The following PLCE1 variants were observed in gnomAD, a reference collection of about 807,000 sequenced individuals.
PLCE1 encodes phospholipase C epsilon 1.
A neutral mutation model predicts 242.8 loss-of-function variants in PLCE1; 119 were observed. That is an observed-to-expected ratio of 0.49 (90% CI 0.42 to 0.57). The LOEUF (loss-of-function observed/expected upper bound fraction) is 0.57, where lower values mean the gene tolerates loss of function less well. Among genes scored for constraint, PLCE1 ranks in the 20% least tolerant of loss-of-function variants. PLCE1 has a pLI of 0.00. For missense variants in PLCE1, 2,441 were observed against 2,788.8 expected, an observed-to-expected ratio of 0.88 and a Z score of 2.81; for synonymous variants, 945 against 1,017.4, an observed-to-expected ratio of 0.93 and a Z score of 1.35.
At position 94,223,233 on chromosome 10, in the gene PLCE1, C is replaced by CA. The variant is rs60764243; in HGVS notation, c.1810-4054dup. Among the ~76,000 whole-genome samples the CA allele has an allele frequency of 4.9e-3, 447 of 90,868 alleles. 7 individuals carry two copies. Among genetic ancestry groups the CA allele is most frequent in the African/African-American group, 0.011 (232 of 20,980 alleles). The allele number at this position is 90,868 out of a possible 152,430, so 59.6% of individuals were successfully genotyped here. A position where few individuals can be genotyped will look rare whatever the true frequency, so the allele number is the denominator to read the frequency against. ...GCAACATAGTGATACTCCATCTCTA[C>CA]AAAAAAAAAAAAAAAAAAATTGAAT... is the stretch of plus-strand genomic sequence containing the variant. On this transcript the variant is annotated intron_variant, in intron 4 of 32. Transcript: ENST00000371380.
intron 2 of PLCE1, among the ~76,000 whole-genome samples, chr10:94,131,579 G>A (rs968974546): frequency 6.6e-6 from 1 of 152,238 alleles, no homozygotes; most frequent in Non-Finnish European, 1.5e-5. Flanking sequence ...CAAGAAGAGT[G>A]AGCAGGATCT....
At chr10:94,205,460 A>C (rs1158173812) in intron 4 of PLCE1, among the ~76,000 whole-genome samples, 3 of 152,248 alleles carry the variant, frequency 2.0e-5, no homozygotes, top group African/African-American at 7.2e-5. Context: ...TGAATAAAAG[A>C]AAGTTATGCA....
chr10:94,261,771 G>A (rs2051305862), intron 13 of PLCE1, among the ~76,000 whole-genome samples: 2 of 152,046 alleles, frequency 1.3e-5, no homozygotes, highest in Admixed American at 1.3e-4. Flanking sequence ...ACCCAAATGA[G>A]TTGAAAAATT....
chr10:94,299,463 A>G (rs2052960280), intron 24 of PLCE1, among the ~76,000 whole-genome samples: 1 of 152,244 alleles, frequency 6.6e-6, no homozygotes, highest in Non-Finnish European at 1.5e-5. Flanking sequence ...CTGGAAGTTT[A>G]AAGGATAAAG....
chr10:94,019,508 T>C (rs552316301), intron 1 of PLCE1, among the ~76,000 whole-genome samples: 1 of 152,284 alleles, frequency 6.6e-6, no homozygotes, highest in African/African-American at 2.4e-5. Context: ...TCCAATTCTA[T>C]CTCCATAGCT....
At chr10:94,318,682 G>A (rs1355860543) in intron 29 of PLCE1, among the ~76,000 whole-genome samples, 1 of 152,194 alleles carries the variant, frequency 6.6e-6, no homozygotes, top group Non-Finnish European at 1.5e-5. Flanking sequence ...AGGGAAGACA[G>A]GCTGGCTGCT....
chr10:93,996,819 C>CA (rs2060833671), intron 1 of PLCE1, among the ~76,000 whole-genome samples: 1 of 152,130 alleles, frequency 6.6e-6, no homozygotes, highest in African/African-American at 2.4e-5. Flanking sequence ...TGAAATTAAC[C>CA]ACCCATATTT....
At chr10:94,119,069 C>T (rs7911740) in intron 2 of PLCE1, among the ~76,000 whole-genome samples, 11,620 of 152,212 alleles carry the variant, frequency 0.076, 1,446 homozygotes, top group African/African-American at 0.25. Flanking sequence ...CCTCGCCCAC[C>T]CTGTGGGATG....
At chr10:94,062,110 C>T (rs968502468) in intron 2 of PLCE1, among the ~76,000 whole-genome samples, 2 of 152,192 alleles carry the variant, frequency 1.3e-5, no homozygotes, top group African/African-American at 4.8e-5. Flanking sequence ...ATAGTAAGCA[C>T]TAGATATGAG....
At chr10:94,227,503 T>C in intron 5 of PLCE1, 52 bp downstream of exon 5, 7 of 1,484,294 alleles carry the variant, frequency 4.7e-6, no homozygotes, top group Non-Finnish European at 6.6e-6. Context: ...TCTCATCACC[T>C]GAATGGCACT....
chr10:94,168,987 A>G (rs1051323915), intron 3 of PLCE1, among the ~76,000 whole-genome samples: 1 of 152,228 alleles, frequency 6.6e-6, no homozygotes, highest in South Asian at 2.1e-4. Context: ...AGATTTAAGC[A>G]TCAACCTGAT....
intron 1 of PLCE1, among the ~76,000 whole-genome samples, chr10:93,998,421 A>G (rs756157611): frequency 3.2e-4 from 49 of 151,876 alleles, no homozygotes; most frequent in Middle Eastern, 3.4e-3. Context: ...TCCCCACCTG[A>G]CTCCCTGAAT....
At chr10:94,151,562 A>AT (rs1426243794) in intron 3 of PLCE1, among the ~76,000 whole-genome samples, 2 of 152,286 alleles carry the variant, frequency 1.3e-5, no homozygotes, top group Middle Eastern at 3.4e-3. Flanking sequence ...AAGCATTAGG[A>AT]TTTTATCGGG....
intron 1 of PLCE1, among the ~76,000 whole-genome samples, chr10:94,017,455 A>G (rs2061302499): frequency 6.6e-6 from 1 of 152,172 alleles, no homozygotes; most frequent in Admixed American, 6.5e-5. Flanking sequence ...TTGCATTTTT[A>G]ATTCTATCCA....
At position 94,117,974 on chromosome 10, in the gene PLCE1, C is replaced by G. The variant is rs907604530; in HGVS notation, c.1207-14200C>G. On this transcript the variant is annotated intron_variant, in intron 2 of 32. Transcript: ENST00000371380. The stretch of plus-strand genomic sequence containing the variant: ...AAACACTGTCGCCTGATTGTTTCAA[C>G]AAAAGACCTCTTTGTTTTGATAGCC... Among the ~76,000 whole-genome samples the G allele has an allele frequency of 2.6e-5, 4 of 152,144 alleles. No homozygotes were observed. The East Asian group carries it at 7.7e-4, about 29-fold the overall frequency.
At chr10:94,190,199 G>A (rs1388640424) in intron 4 of PLCE1, among the ~76,000 whole-genome samples, 1 of 152,200 alleles carries the variant, frequency 6.6e-6, no homozygotes, top group Non-Finnish European at 1.5e-5. Context: ...AGGATGGCTT[G>A]TGCCCAGGAG....
intron 2 of PLCE1, 67 bp from the exon 3 acceptor site, chr10:94,132,106 TG>T: frequency 6.7e-7 from 1 of 1,496,310 alleles, no homozygotes; most frequent in Middle Eastern, 1.8e-4. Context: ...CTTGGCATTT[TG>T]TCAACAAGTT....
At position 94,171,265 on chromosome 10, in the gene PLCE1, G is replaced by C. The variant is rs764601690; in HGVS notation, c.1578G>C (p.Gln526His). 1 of 1,614,190 alleles carries C rather than the reference G, an allele frequency of 6.2e-7. No individual in the cohort carries two copies. The highest frequency in any genetic ancestry group is 8.5e-7 in the Non-Finnish European group (1 of 1,180,012). ...AGISKELIDL[Q>H]PLIQFPEEVA... ...TCAGCAAGGAGCTGATCGATCTGCA[G>C]CCTCTCATCCAGTTCCCAGAGGAAG... The change falls in exon 4 of 33, where the codon CAG becomes CAC. Residue 526 changes from glutamine (Q) to histidine (H), a missense_variant. Gln to His is a conservative substitution (Grantham distance 24). Coordinates refer to ENST00000371380, the MANE Select transcript of PLCE1 (RefSeq NM_016341.4).
intron 2 of PLCE1, among the ~76,000 whole-genome samples, chr10:94,057,403 G>A: frequency 6.6e-6 from 1 of 151,982 alleles, no homozygotes. Flanking sequence ...CACTCCACTG[G>A]TTACATAAGC....
Sources: allele counts gnomAD v4.1 joint callset (sites outside exome capture counted in the v4.1 genomes callset), GRCh38; gene constraint gnomAD v4.1.1; transcripts MANE v1.5; gene names NCBI Gene and HGNC (gene_info 2026-07-23, HGNC 2026-07-21).